Variants in DHCR24 observed in about 807,000 individuals in gnomAD.
DHCR24 encodes the protein delta(24)-sterol reductase.
In DHCR24, 28 loss-of-function variants were observed where a neutral mutation model predicts 61.2. The ratio of observed to expected loss-of-function variants is 0.46; its 90% confidence interval spans 0.34 to 0.63. DHCR24 has a LOEUF of 0.63. Ranked by LOEUF, DHCR24 falls within the 20% of genes least tolerant of loss-of-function variation. The pLI is 0.01. For missense variants in DHCR24, 538 were observed against 679.1 expected (o/e 0.79, Z 2.31); for synonymous variants, 261 against 275.9 (o/e 0.95, Z 0.54).
intron 1 of DHCR24, chr1:54,886,604 C>T (rs1647098038): frequency 6.9e-7 from 1 of 1,447,948 alleles, no homozygotes; most frequent in East Asian, 3.0e-5. Context: ...ATGCTTGGGC[C>T]GGGTGAGAGT....
chr1:54,856,113 GGCACTACT>G (rs1646906266), intron 6 of DHCR24, among the ~76,000 whole-genome samples: 1 of 152,184 alleles, frequency 6.6e-6, no homozygotes, highest in Non-Finnish European at 1.5e-5. Flanking sequence ...CAATACAGAG[GGCACTACT>G]GCCTTCGGTT....
rs181188014 is a variant in DHCR24 at position 54,875,515 on chromosome 1, G to A, written c.494-304C>T. ...ATCTGTGTGCATTCATCTTGAGAGG[G>A]ACTTTAATGAAAAGGGGGGTTGAAG... On this transcript the variant is annotated intron_variant, in intron 3 of 8. Transcript: ENST00000371269. Among the ~76,000 whole-genome samples the A allele has an allele frequency of 3.3e-5, 5 of 152,208 alleles. No individual in the cohort carries two copies. The East Asian group carries it at 9.7e-4, about 30-fold the overall frequency.
chr1:54,871,845 C>G (rs569721323), intron 4 of DHCR24, among the ~76,000 whole-genome samples: 136 of 152,280 alleles, frequency 8.9e-4, no homozygotes, highest in Non-Finnish European at 1.6e-3. Context: ...ACTGAGAGAG[C>G]ATCCTCCTTC....
rs1157483156 is a variant in DHCR24, at chr1:54,854,077, C to T, written c.1178G>A (p.Cys393Tyr). ...GAAGGTGTGCAGGGCCTGCTGCAGG[C>T]ACTTCATGGGCACCAGCATGTCCTG... ...VVQDMLVPMK[C>Y]LQQALHTFQN... is the part of the protein sequence containing the mutation. The change falls in exon 7 of 9, where the codon TGC becomes TAC. Residue 393 changes from cysteine to tyrosine, a missense_variant. Physicochemically the swap from Cys to Tyr is radical, Grantham distance 194 (BLOSUM62 -2). Transcript: ENST00000371269. 1 of 1,613,766 alleles carries T rather than the reference C, an allele frequency of 6.2e-7. No individual in the cohort carries two copies. Among genetic ancestry groups the T allele is most frequent in the East Asian group, 2.2e-5 (1 of 44,888 alleles).
At chr1:54,875,498 G>A (rs1297869669) in intron 3 of DHCR24, among the ~76,000 whole-genome samples, 1 of 152,112 alleles carries the variant, frequency 6.6e-6, no homozygotes, top group African/African-American at 2.4e-5. Flanking sequence ...AAATCTGTGT[G>A]CATTCATCTT....
At chr1:54,860,994 G>GA (rs10547670) in intron 6 of DHCR24, among the ~76,000 whole-genome samples, 10,644 of 143,352 alleles carry the variant, frequency 0.074, 470 homozygotes, top group Admixed American at 0.12. Flanking sequence ...TCTCAAAAAA[G>GA]AAAAAAAAAA....
At chr1:54,874,624 T>C (rs1647016612) in intron 4 of DHCR24, among the ~76,000 whole-genome samples, 1 of 152,188 alleles carries the variant, frequency 6.6e-6, no homozygotes, top group South Asian at 2.1e-4. Context: ...CTGTGACACA[T>C]GACTGTACCT....
At chr1:54,865,781 G>A (rs1344402431) in intron 5 of DHCR24, among the ~76,000 whole-genome samples, 1 of 152,146 alleles carries the variant, frequency 6.6e-6, no homozygotes, top group African/African-American at 2.4e-5. Context: ...GCCCCATGCA[G>A]GGGAATTCCC....
chr1:54,873,177 A>C (rs1453536016), intron 4 of DHCR24, among the ~76,000 whole-genome samples: 1 of 152,234 alleles, frequency 6.6e-6, no homozygotes, highest in Non-Finnish European at 1.5e-5. Context: ...ACAATGGGCC[A>C]CAGATAAAAT....
Position 54,883,027 on chromosome 1 carries a change from CAAT to C in DHCR24, c.387+588_387+590del, listed in dbSNP as rs1344979759. Among the ~76,000 whole-genome samples the C allele has an allele frequency of 3.3e-5, 5 of 151,894 alleles. No individual in the cohort carries two copies. The highest frequency in any genetic ancestry group is 3.2e-3 in the Middle Eastern group (1 of 316). ...ATTAAGTAACTTGGCCAAGGTCTCA[CAAT>C]AATAACAAAATGCCATCAAGTAGAC... On this transcript the variant is annotated intron_variant, in intron 2 of 8. Coordinates refer to ENST00000371269, the MANE Select transcript of DHCR24 (RefSeq NM_014762.4). The surrounding 1 kb of genome is among the most constrained non-coding windows in gnomAD (Gnocchi z 4.3).
rs144805041 is a variant in DHCR24, at chr1:54,887,110, C to T, written c.10G>A (p.Ala4Thr). 77 of 1,585,346 alleles carry T rather than the reference C, an allele frequency of 4.9e-5. No individual in the cohort carries two copies. The African/African-American group carries it at 9.0e-4, about 18-fold the overall frequency. The change falls in exon 1 of 9, where the codon GCC becomes ACC. Residue 4 changes from alanine (A) to threonine (T), a missense_variant. Coordinates refer to ENST00000371269, the MANE Select transcript of DHCR24 (RefSeq NM_014762.4). MEP[A>T]VSLAVCALLF... ...AGCGCGCACACGGCCAGCGACACGGCGGGCTCCATGGTGCGGCGCCGCGCG... is the reference window on the plus strand; with the variant it reads ...AGCGCGCACACGGCCAGCGACACGGTGGGCTCCATGGTGCGGCGCCGCGCG...
At chr1:54,879,395 T>A (rs1647053450) in intron 2 of DHCR24, among the ~76,000 whole-genome samples, 1 of 132,714 alleles carries the variant, frequency 7.5e-6, no homozygotes, top group Non-Finnish European at 1.6e-5. Flanking sequence ...ATGTCTGAAA[T>A]GAAAGATACA....
At position 54,851,679 on chromosome 1, in the gene DHCR24, G is replaced by A. The variant is rs923094960; in HGVS notation, c.*554C>T. Reference sequence around the variant, plus strand: ...CCGTGGCTGCCCTCCTGAGATCCCAGGGTGGGGAAGAGCTGTCCTTCTCCT... The same window carrying A: ...CCGTGGCTGCCCTCCTGAGATCCCAAGGTGGGGAAGAGCTGTCCTTCTCCT... On this transcript the variant is annotated 3_prime_UTR_variant, in exon 9 of 9. Coordinates refer to ENST00000371269, the MANE Select transcript of DHCR24 (RefSeq NM_014762.4). 6.4e-6 allele frequency: 1 copy of A among 157,132 alleles called. No homozygotes were observed. The highest frequency in any genetic ancestry group is 1.4e-5 in the Non-Finnish European group (1 of 70,738). The allele number at this position is 157,132 out of a possible 1,614,324, so 9.7% of individuals were successfully genotyped here.
Position 54,852,017 on chromosome 1 carries a change from A to C in DHCR24, c.*216T>G. On this transcript the variant is annotated 3_prime_UTR_variant, in exon 9 of 9. Coordinates refer to ENST00000371269, the MANE Select transcript of DHCR24 (RefSeq NM_014762.4). ...ACAGCTAATGAGTTCTAAACGGGGAACTGGACTCAGGCTTGTCTGACTCCA... is the reference window on the plus strand; with the variant it reads ...ACAGCTAATGAGTTCTAAACGGGGACCTGGACTCAGGCTTGTCTGACTCCA... The C allele has an allele frequency of 1.7e-6, 1 of 603,754 alleles. No individual in the cohort carries two copies. The highest frequency in any genetic ancestry group is 2.9e-6 in the Non-Finnish European group (1 of 342,654). The allele number at this position is 603,754 out of a possible 1,614,324, so 37.4% of individuals were successfully genotyped here. A position where few individuals can be genotyped will look rare whatever the true frequency, so the allele number is the denominator to read the frequency against.
intron 6 of DHCR24, among the ~76,000 whole-genome samples, chr1:54,857,911 T>C (rs1570181921): frequency 1.3e-5 from 2 of 152,162 alleles, no homozygotes; most frequent in Non-Finnish European, 1.5e-5. Context: ...CAGAATGGAC[T>C]AATCACCCAG....
intron 4 of DHCR24, among the ~76,000 whole-genome samples, chr1:54,874,233 G>T (rs1330526784): frequency 4.6e-5 from 7 of 152,168 alleles, no homozygotes; most frequent in African/African-American, 1.7e-4. Flanking sequence ...GTCTACAGTG[G>T]TGTACAGTAA....
intron 2 of DHCR24, among the ~76,000 whole-genome samples, chr1:54,877,502 C>T (rs1010773425): frequency 6.6e-6 from 1 of 151,680 alleles, no homozygotes; most frequent in Non-Finnish European, 1.5e-5. Context: ...CCCTCAGAGA[C>T]AGGAAACAAG....
chr1:54,853,480 T>A lies in DHCR24; in HGVS notation c.1351A>T (p.Arg451Trp). The A allele has an allele frequency of 6.2e-7, 1 of 1,614,212 alleles. No individual in the cohort carries two copies. The highest frequency in any genetic ancestry group is 1.1e-5 in the South Asian group (1 of 91,084). The change falls in exon 8 of 9, where the codon AGG becomes TGG. Residue 451 changes from arginine to tryptophan, a missense_variant. Transcript: ENST00000371269. Reference sequence around the variant, plus strand: ...TTCTCCAGCTGCCTCATGCAGGACCTGGCTTCAAAGTGTTTCACACGCGGC... The same window carrying A: ...TTCTCCAGCTGCCTCATGCAGGACCAGGCTTCAAAGTGTTTCACACGCGGC... ...GEPRVKHFEA[R>W]SCMRQLEKFV...
At chr1:54,876,603 G>A (rs567521579) in intron 2 of DHCR24, among the ~76,000 whole-genome samples, 6 of 151,796 alleles carry the variant, frequency 4.0e-5, no homozygotes, top group African/African-American at 1.5e-4. Flanking sequence ...GCAGTGAGCC[G>A]AGATCGTGCC....
Sources: gnomAD v4.1 joint callset for allele counts (sites outside exome capture counted in the v4.1 genomes callset) on GRCh38, gnomAD v4.1.1 for gene constraint, Gnocchi (gnomAD v3.1) non-coding constraint, MANE v1.5 for transcripts, NCBI Gene and HGNC (gene_info 2026-07-23, HGNC 2026-07-21) for gene names.